Variants in SCAPER observed in about 807,000 individuals in gnomAD.
SCAPER encodes the protein S-phase cyclin A associated protein in the ER.
SCAPER carries 98 observed loss-of-function variants against 182.2 expected under a neutral mutation model. That is an observed-to-expected ratio of 0.54 (90% CI 0.46 to 0.64). SCAPER has a LOEUF of 0.64. SCAPER is among the 30% of genes least tolerant of loss of function. SCAPER has a pLI of 0.00. For missense variants in SCAPER, 1,432 were observed against 1,690.0 expected (o/e 0.85, Z 2.68); for synonymous variants, 605 against 564.6 (o/e 1.07, Z -1.01).
intron 21 of SCAPER, among the ~76,000 whole-genome samples, chr15:76,660,446 T>C (rs2056049200): frequency 6.6e-6 from 1 of 151,970 alleles, no homozygotes; most frequent in Non-Finnish European, 1.5e-5. Flanking sequence ...CCCTCTTCTC[T>C]AGGGGGAAAA....
At chr15:76,452,702 G>A (rs2048456071) in intron 25 of SCAPER, among the ~76,000 whole-genome samples, 1 of 152,190 alleles carries the variant, frequency 6.6e-6, no homozygotes, top group Non-Finnish European at 1.5e-5. Flanking sequence ...GTCAATGTAT[G>A]TAGCTGATGG....
intron 8 of SCAPER, among the ~76,000 whole-genome samples, chr15:76,777,549 G>A (rs1598664019): frequency 6.6e-6 from 1 of 151,674 alleles, no homozygotes; most frequent in African/African-American, 2.4e-5. Flanking sequence ...AAAAAAATTA[G>A]CAGACATGGT....
At chr15:76,482,205 A>G (rs146872466) in intron 24 of SCAPER, among the ~76,000 whole-genome samples, 155 of 152,356 alleles carry the variant, frequency 1.0e-3, no homozygotes, top group African/African-American at 3.5e-3. Flanking sequence ...GTTAGATGAA[A>G]TAATTTATAA....
chr15:76,792,981 T>A (rs983112277), intron 8 of SCAPER, among the ~76,000 whole-genome samples: 1 of 152,226 alleles, frequency 6.6e-6, no homozygotes, highest in African/African-American at 2.4e-5. Context: ...TCACTCCGTA[T>A]GTTTGTCAGT....
chr15:76,508,654 G>A (rs1211453690), intron 23 of SCAPER, among the ~76,000 whole-genome samples: 1 of 152,082 alleles, frequency 6.6e-6, no homozygotes, highest in African/African-American at 2.4e-5. Flanking sequence ...TGACCAGGCA[G>A]GTTGAACATC....
At chr15:76,879,791 A>AG (rs373991685) in intron 2 of SCAPER, among the ~76,000 whole-genome samples, 96 of 152,280 alleles carry the variant, frequency 6.3e-4, no homozygotes, top group African/African-American at 2.1e-3. Flanking sequence ...TTCAACCCCG[A>AG]GACTTGGCCA....
At chr15:76,728,907 T>C (rs953488354) in intron 16 of SCAPER, among the ~76,000 whole-genome samples, 170 bp from the exon 17 acceptor site, 4 of 152,180 alleles carry the variant, frequency 2.6e-5, no homozygotes, top group African/African-American at 4.8e-5. Context: ...AGCAATGATA[T>C]CTGGTTTCTG....
intron 29 of SCAPER, among the ~76,000 whole-genome samples, chr15:76,369,831 G>A (rs1217371008): frequency 6.6e-6 from 1 of 152,192 alleles, no homozygotes; most frequent in Non-Finnish European, 1.5e-5. Context: ...CCCTGCCCTT[G>A]CCCCGCAGCC....
At chr15:76,602,459 C>CT (rs2049997188) in intron 22 of SCAPER, among the ~76,000 whole-genome samples, 1 of 120,976 alleles carries the variant, frequency 8.3e-6, no homozygotes, top group African/African-American at 2.5e-5. Flanking sequence ...CCCCTTTGGT[C>CT]TTTCAGGATT....
chr15:76,703,343 T>G (rs1211564359), intron 18 of SCAPER, among the ~76,000 whole-genome samples: 2 of 152,222 alleles, frequency 1.3e-5, no homozygotes, highest in African/African-American at 4.8e-5. Context: ...TCAATGCACC[T>G]AGCTTTTAGT....
At chr15:76,888,352 A>C (rs1473794727) in intron 1 of SCAPER, among the ~76,000 whole-genome samples, 1 of 152,196 alleles carries the variant, frequency 6.6e-6, no homozygotes, top group Non-Finnish European at 1.5e-5. Context: ...TAGGCTTCGG[A>C]AGGTCGGTAA....
intron 23 of SCAPER, among the ~76,000 whole-genome samples, chr15:76,524,583 A>C (rs1235525392): frequency 6.6e-6 from 1 of 151,884 alleles, no homozygotes; most frequent in African/African-American, 2.4e-5. Context: ...TATGACACTC[A>C]GACATAGAAA....
rs1218111885 is a variant in SCAPER, at chr15:76,765,626, T to C, written c.1432A>G (p.Ser478Gly). 7 of 1,578,672 alleles carry C rather than the reference T, an allele frequency of 4.4e-6. No individual in the cohort carries two copies. The highest frequency in any genetic ancestry group is 6.0e-6 in the Non-Finnish European group (7 of 1,161,014). ...NDSDFSASMGSGSVSFCGMSM... is the reference protein window; with the variant it reads ...NDSDFSASMGGGSVSFCGMSM... The stretch of plus-strand genomic sequence containing the variant: ...ATACCACAGAAAGAAACACTCCCAC[T>C]GCCCATGCTGGCCTAAAATGTAATA... The change falls in exon 12 of 32, where the codon AGT becomes GGT. Residue 478 changes from serine (S) to glycine (G), a missense_variant. Coordinates refer to ENST00000563290, the MANE Select transcript of SCAPER (RefSeq NM_020843.4).
chr15:76,530,677 AC>A (rs778940434), intron 23 of SCAPER, among the ~76,000 whole-genome samples: 1 of 152,176 alleles, frequency 6.6e-6, no homozygotes, highest in Non-Finnish European at 1.5e-5. Flanking sequence ...AAATGAGAGA[AC>A]ATCTGTTTCC....
At chr15:76,896,264 G>A (rs999736541) in intron 1 of SCAPER, among the ~76,000 whole-genome samples, 2 of 152,022 alleles carry the variant, frequency 1.3e-5, no homozygotes, top group African/African-American at 4.8e-5. Context: ...CAGATACTCA[G>A]GAGGCTGAGG....
intron 23 of SCAPER, among the ~76,000 whole-genome samples, chr15:76,548,195 T>C (rs2045458040): frequency 1.3e-5 from 2 of 152,154 alleles, no homozygotes; most frequent in South Asian, 4.1e-4. Context: ...TGAAGCAAAT[T>C]AACCTGATTT....
At chr15:76,380,269 G>A (rs761876855) in intron 28 of SCAPER, 1 of 152,070 alleles carries the variant, frequency 6.6e-6, no homozygotes, top group Admixed American at 6.6e-5. Context: ...AGAACTCTAC[G>A]TATTGTGCAG....
At chr15:76,452,294 TGTA>T (rs1308616571) in intron 25 of SCAPER, among the ~76,000 whole-genome samples, 3 of 152,232 alleles carry the variant, frequency 2.0e-5, no homozygotes, top group African/African-American at 7.2e-5. Context: ...GCCTTTCAGT[TGTA>T]GTAGTCTTTT....
chr15:76,374,327 G>A (rs1430180062), intron 29 of SCAPER, among the ~76,000 whole-genome samples: 1 of 151,920 alleles, frequency 6.6e-6, no homozygotes, highest in Non-Finnish European at 1.5e-5. Flanking sequence ...GGCAGAGGTT[G>A]CAGTGAGCCA....
Sources: gnomAD v4.1 joint callset for allele counts (sites outside exome capture counted in the v4.1 genomes callset) on GRCh38, gnomAD v4.1.1 for gene constraint, MANE v1.5 for transcripts, NCBI Gene and HGNC (gene_info 2026-07-23, HGNC 2026-07-21) for gene names.